PLCL1: variants seen among roughly 807,000 people sequenced by gnomAD.
The protein encoded by PLCL1 is inactive phospholipase C-like protein 1.
In PLCL1, 41 loss-of-function variants were observed where a neutral mutation model predicts 84.4. The observed-to-expected ratio is 0.49, with a 90% confidence interval of 0.38 to 0.63. The LOEUF is 0.63. Among genes scored for constraint, PLCL1 ranks in the 30% least tolerant of loss-of-function variants. The pLI is 0.00. For synonymous variants in PLCL1, 490 were observed against 488.3 expected, an observed-to-expected ratio of 1.00 and a Z score of -0.05; for missense variants, 1,206 against 1,367.8, an observed-to-expected ratio of 0.88 and a Z score of 1.87.
At chr2:198,053,248 C>T (rs1342708499) in intron 1 of PLCL1, among the ~76,000 whole-genome samples, 1 of 152,210 alleles carries the variant, frequency 6.6e-6, no homozygotes, top group Non-Finnish European at 1.5e-5. Flanking sequence ...TTCCTTTTCT[C>T]CCACTTCATT....
At chr2:198,048,178 G>T (rs6732517) in intron 1 of PLCL1, among the ~76,000 whole-genome samples, 1 of 152,048 alleles carries the variant, frequency 6.6e-6, no homozygotes, top group South Asian at 2.1e-4. Flanking sequence ...TCCCAGTCCT[G>T]TTGGGGTACT....
chr2:197,831,266 G>C (rs1691053215), intron 1 of PLCL1, among the ~76,000 whole-genome samples: 2 of 152,004 alleles, frequency 1.3e-5, no homozygotes, highest in Non-Finnish European at 1.5e-5. Flanking sequence ...GCTGTATTCA[G>C]GAGACCCATC....
intron 1 of PLCL1, among the ~76,000 whole-genome samples, chr2:197,892,281 C>T (rs148134167): frequency 2.6e-4 from 40 of 152,168 alleles, no homozygotes; most frequent in African/African-American, 7.9e-4. Flanking sequence ...GGGAGGAGAA[C>T]GTGAGAACTC....
chr2:198,108,785 G>C (rs895368189), intron 5 of PLCL1, among the ~76,000 whole-genome samples: 1 of 151,878 alleles, frequency 6.6e-6, no homozygotes, highest in African/African-American at 2.4e-5. Context: ...TAGCACCTAC[G>C]TGGGTCCAGT....
intron 1 of PLCL1, among the ~76,000 whole-genome samples, chr2:197,985,383 T>A (rs1690200718): frequency 6.6e-6 from 1 of 152,124 alleles, no homozygotes; most frequent in Non-Finnish European, 1.5e-5. Context: ...GTAGGCTGAA[T>A]TACATTCCTG....
intron 1 of PLCL1, among the ~76,000 whole-genome samples, chr2:197,830,573 A>T (rs1691035608): frequency 2.6e-5 from 4 of 152,106 alleles, no homozygotes; most frequent in Admixed American, 6.6e-5. Flanking sequence ...GATGGGGAGG[A>T]TGGAACCAAG....
In PLCL1 at chr2:198,109,608, C is replaced by G. The variant is rs535547127; in HGVS notation, c.3105+5672C>G. Among the ~76,000 whole-genome samples, 11 of 151,920 alleles carry G rather than the reference C, an allele frequency of 7.2e-5. 1 individual carries two copies. The East Asian group carries it at 2.1e-3, about 30-fold the overall frequency. On this transcript the variant is annotated intron_variant, in intron 5 of 5. Transcript: ENST00000428675. Reference sequence around the variant, plus strand: ...GAGAGTTCTGAAGATCTCTTGGGAGCAAGATGTGGAATTACACTATATCAC... The same window carrying G: ...GAGAGTTCTGAAGATCTCTTGGGAGGAAGATGTGGAATTACACTATATCAC...
In PLCL1 at chr2:198,089,123, G is replaced by T. The variant is rs1692958837; in HGVS notation, c.2919+62G>T. 16 of 1,192,662 alleles carry T rather than the reference G, an allele frequency of 1.3e-5. No individual in the cohort carries two copies. In the South Asian group the frequency reaches 2.0e-4, roughly 15 times the overall value. 73.9% of individuals were successfully genotyped at this position (1,192,662 alleles called of 1,614,324 possible). On this transcript the variant is annotated intron_variant, in intron 3 of 5. Transcript: ENST00000428675. ...GTGTGTGTGAAATCACAAATAGCAG[G>T]GACTCCTCTGTGGAACTCCAATGAA...
At position 198,128,925 on chromosome 2, in the gene PLCL1, G is replaced by T. The variant is rs574249910; in HGVS notation, c.3106-17855G>T. 4.6e-5 allele frequency among the ~76,000 whole-genome samples: 7 copies of T among 152,230 alleles called. No homozygotes were observed. The South Asian group carries it at 1.5e-3, about 32-fold the overall frequency. ...CAGTTTCAATGGTAAAAGGGAATTG[G>T]ATACGCTGCATTATACTTTCCTCCC... On this transcript the variant is annotated intron_variant, in intron 5 of 5. Coordinates refer to ENST00000428675, the MANE Select transcript of PLCL1 (RefSeq NM_006226.4).
chr2:197,873,778 T>G (rs969222334), intron 1 of PLCL1, among the ~76,000 whole-genome samples: 8 of 152,168 alleles, frequency 5.3e-5, no homozygotes, highest in Non-Finnish European at 7.4e-5. Context: ...GTCCTGACAT[T>G]GGTGTCTCAA....
At chr2:198,032,694 T>G (rs1051472196) in intron 1 of PLCL1, among the ~76,000 whole-genome samples, 4 of 152,154 alleles carry the variant, frequency 2.6e-5, no homozygotes, top group Non-Finnish European at 4.4e-5. Context: ...GAAATGGAAA[T>G]CACTTTCTTA....
chr2:198,146,937 G>A lies in PLCL1; in HGVS notation c.3263G>A (p.Ser1088Asn), dbSNP rs773724171. ...CTGGAAGCCATAGAGGAGAAGGAAA[G>A]TAGTGAGGAGAATGGGAAGCTGTGA... is the stretch of plus-strand genomic sequence containing the variant. ...RSLEAIEEKE[S>N]SEENGKL Residue 1088 changes from serine (S) to asparagine (N), a missense_variant, in exon 6 of 6, where the codon AGT (serine) becomes AAT (asparagine). Coordinates refer to ENST00000428675, the MANE Select transcript of PLCL1 (RefSeq NM_006226.4). The A allele has an allele frequency of 5.0e-6, 8 of 1,609,116 alleles. 1 individual carries two copies. The Middle Eastern group carries it at 1.2e-3, about 233-fold the overall frequency.
intron 1 of PLCL1, among the ~76,000 whole-genome samples, chr2:198,078,686 A>G (rs186815654): frequency 2.4e-4 from 37 of 152,238 alleles, no homozygotes; most frequent in African/African-American, 8.9e-4. Context: ...AATTTGTTCT[A>G]ACAAAGAATC....
intron 1 of PLCL1, among the ~76,000 whole-genome samples, chr2:197,827,614 T>A (rs529538723): frequency 6.6e-6 from 1 of 152,136 alleles, no homozygotes; most frequent in East Asian, 1.9e-4. Flanking sequence ...CATTCAACTT[T>A]TGAAAAACGT....
At chr2:197,973,245 G>A (rs1023116927) in intron 1 of PLCL1, among the ~76,000 whole-genome samples, 1 of 152,118 alleles carries the variant, frequency 6.6e-6, no homozygotes, top group Non-Finnish European at 1.5e-5. Flanking sequence ...TTTGCTTGGC[G>A]ACTGCTTACC....
At chr2:197,976,026 C>T (rs146264498) in intron 1 of PLCL1, among the ~76,000 whole-genome samples, 1,526 of 152,118 alleles carry the variant, frequency 0.01, 15 homozygotes, top group South Asian at 0.04. Flanking sequence ...TTTAACTTTT[C>T]CCTTAATATT....
Position 197,866,178 on chromosome 2 carries a change from ATATATATATATAAAC to A in PLCL1, c.240+60852_240+60866del, listed in dbSNP as rs1346164026. 1.1e-3 allele frequency among the ~76,000 whole-genome samples: 104 copies of A among 98,182 alleles called. 13 individuals are homozygous for A. Among genetic ancestry groups the A allele is most frequent in the Non-Finnish European group, 1.4e-3 (75 of 52,106 alleles). The allele number at this position is 98,182 out of a possible 152,430, so 64.4% of individuals were successfully genotyped here. ...TATAAACTATATATATATATAAACTATATATATATATAAACTATATATATATATATAGTTAGTTTA... is the reference window on the plus strand; with the variant it reads ...TATAAACTATATATATATATAAACTATATATATATATATATAGTTAGTTTA... On this transcript the variant is annotated intron_variant, in intron 1 of 5. Coordinates refer to ENST00000428675, the MANE Select transcript of PLCL1 (RefSeq NM_006226.4).
intron 5 of PLCL1, among the ~76,000 whole-genome samples, chr2:198,132,796 G>A (rs1301996930): frequency 4.0e-5 from 6 of 151,862 alleles, no homozygotes; most frequent in Admixed American, 2.0e-4. Context: ...CACTCTGATG[G>A]TAGTTTCTTT....
At chr2:197,904,765 A>C (rs1458873012) in intron 1 of PLCL1, among the ~76,000 whole-genome samples, 2 of 152,220 alleles carry the variant, frequency 1.3e-5, no homozygotes, top group Non-Finnish European at 2.9e-5. Flanking sequence ...TGCATATGAT[A>C]ATATGTGCAT....
Sources: allele counts gnomAD v4.1 joint callset (sites outside exome capture counted in the v4.1 genomes callset), GRCh38; gene constraint gnomAD v4.1.1; transcripts MANE v1.5; gene names NCBI Gene and HGNC (gene_info 2026-07-23, HGNC 2026-07-21).